Variants in SMARCA5 observed in about 807,000 individuals in gnomAD.
The protein encoded by SMARCA5 is SNF2 related chromatin remodeling ATPase 5.
SMARCA5 carries 18 observed loss-of-function variants against 140.4 expected under a neutral mutation model. The observed-to-expected ratio is 0.13, with a 90% CI of 0.09 to 0.19. The LOEUF (loss-of-function observed/expected upper bound fraction) is 0.19. Ranked by LOEUF, SMARCA5 falls within the 10% of genes least tolerant of loss-of-function variation. SMARCA5 has a pLI of 1.00. For synonymous variants in SMARCA5, 449 were observed against 419.6 expected, an observed-to-expected ratio of 1.07 and a Z score of -0.86; for missense variants, 606 against 1,276.8, an observed-to-expected ratio of 0.47 and a Z score of 8.01.
At chr4:143,534,649 T>TTTG (rs1170952332) in intron 9 of SMARCA5, among the ~76,000 whole-genome samples, 1 of 152,106 alleles carries the variant, frequency 6.6e-6, no homozygotes, top group Non-Finnish European at 1.5e-5. Context: ...ATTTGTGGAT[T>TTTG]TTGGTATTCA....
At position 143,534,842 on chromosome 4, in the gene SMARCA5, T is replaced by G; in HGVS notation, c.1159-13T>G. The G allele has an allele frequency of 6.3e-7, 1 of 1,592,824 alleles. No homozygotes were observed. Among genetic ancestry groups the G allele is most frequent in the South Asian group, 1.1e-5 (1 of 88,972 alleles). ...AATATTGGTATTACCTGTTTATTTT[T>G]GTCCTTTTTAAGGTTTTGCGTCCAT... is the stretch of plus-strand genomic sequence containing the variant. On this transcript the variant is annotated splice_polypyrimidine_tract_variant and intron_variant, in intron 9 of 23. Transcript: ENST00000283131.
chr4:143,514,643 C>G (rs1736786559), intron 1 of SMARCA5: 1 of 152,606 alleles, frequency 6.6e-6, no homozygotes, highest in South Asian at 2.0e-4. Flanking sequence ...GCTGGATGGC[C>G]GAGTGCGCAG....
chr4:143,536,483 A>G lies in SMARCA5; in HGVS notation c.1300A>G (p.Ile434Val). The change falls in exon 11 of 24, where the codon ATA becomes GTA. Residue 434 changes from isoleucine (I) to valine (V), a missense_variant. Ile to Val is a conservative substitution (Grantham distance 29, BLOSUM62 3). Around this residue, in one of 10 missense-constraint regions of SMARCA5, gnomAD observed 25 missense variants for 108.7 expected, o/e 0.23. Transcript: ENST00000283131. Reference sequence around the variant, plus strand: ...TCGGATATTAATGAAGGATATAGATATACTCAACTCAGCAGGCAAGATGGA... The same window carrying G: ...TCGGATATTAATGAAGGATATAGATGTACTCAACTCAGCAGGCAAGATGGA... ...YTRILMKDID[I>V]LNSAGKMDKM... is the part of the protein sequence containing the mutation. The G allele has an allele frequency of 6.2e-7, 1 of 1,613,386 alleles. No homozygotes were observed. Among genetic ancestry groups the G allele is most frequent in the South Asian group, 1.1e-5 (1 of 91,052 alleles).
At chr4:143,549,381 G>A (rs775239631) in intron 22 of SMARCA5, among the ~76,000 whole-genome samples, 3 of 152,066 alleles carry the variant, frequency 2.0e-5, no homozygotes, top group Non-Finnish European at 4.4e-5. Context: ...CCCAGCAGCC[G>A]TCCGTGCAGA....
intron 1 of SMARCA5, among the ~76,000 whole-genome samples, chr4:143,516,239 G>C (rs1201484556): frequency 1.5e-5 from 2 of 136,582 alleles, no homozygotes; most frequent in East Asian, 2.1e-4. Context: ...TGACAAAGCT[G>C]ATTTTCCCAG....
chr4:143,545,407 T>TA (rs1737504105), intron 17 of SMARCA5, 63 bp from the exon 18 acceptor site: 1 of 1,028,178 alleles, frequency 9.7e-7, no homozygotes, highest in South Asian at 1.3e-5. Flanking sequence ...AAGTGAGGAC[T>TA]AAGGATACAT....
At chr4:143,534,805 G>T in intron 9 of SMARCA5, 50 bp from the exon 10 acceptor site, 1 of 1,273,042 alleles carries the variant, frequency 7.9e-7, no homozygotes, top group South Asian at 1.4e-5. Flanking sequence ...GCTGAAATAT[G>T]ACCTTATGTG....
chr4:143,538,981 C>T (rs771742466), intron 13 of SMARCA5, 43 bp downstream of exon 13: 28 of 1,551,040 alleles, frequency 1.8e-5, no homozygotes, highest in South Asian at 1.0e-4. Flanking sequence ...TAGTAGATGG[C>T]GTTAGTTAGG....
intron 2 of SMARCA5, among the ~76,000 whole-genome samples, chr4:143,518,924 C>T (rs1736898326): frequency 6.6e-6 from 1 of 152,026 alleles, no homozygotes; most frequent in Admixed American, 6.6e-5. Flanking sequence ...GTTTTAGTTT[C>T]TTGATTTGTG....
At chr4:143,538,098 A>G (rs957727830) in intron 11 of SMARCA5, among the ~76,000 whole-genome samples, 1 of 152,116 alleles carries the variant, frequency 6.6e-6, no homozygotes, top group Admixed American at 6.6e-5. Flanking sequence ...AGTGGAAGGC[A>G]GTCGGATAGT....
chr4:143,515,430 CTTT>C (rs1197971612), intron 1 of SMARCA5, among the ~76,000 whole-genome samples: 1 of 152,044 alleles, frequency 6.6e-6, no homozygotes, highest in Admixed American at 6.5e-5. Context: ...TACTAGGGCT[CTTT>C]AACTTGGATT....
chr4:143,536,810 T>TC, intron 11 of SMARCA5, 132 bp downstream of exon 11: 1 of 662,788 alleles, frequency 1.5e-6, no homozygotes, highest in South Asian at 1.9e-5. Context: ...AAAAACCTGT[T>TC]CATTATCTGA....
At chr4:143,519,509 C>G (rs955085882) in intron 2 of SMARCA5, among the ~76,000 whole-genome samples, 2 of 152,020 alleles carry the variant, frequency 1.3e-5, no homozygotes, top group Admixed American at 6.6e-5. Flanking sequence ...TTCAGTGGCT[C>G]TCTACAATGC....
chr4:143,556,245 G>A lies in SMARCA5; in HGVS notation c.*3061G>A, dbSNP rs1340392382. On this transcript the variant is annotated 3_prime_UTR_variant, in exon 24 of 24. Transcript: ENST00000283131. ...GCCCTTTGAGTATTTAATATATGCC[G>A]ATTGTTTGAACTAATCTGGATTTAA... 1 of 152,084 alleles carries A rather than the reference G, an allele frequency of 6.6e-6. No individual in the cohort carries two copies. The highest frequency in any genetic ancestry group is 1.5e-5 in the Non-Finnish European group (1 of 68,022). The allele number at this position is 152,084 out of a possible 1,614,324, so 9.4% of individuals were successfully genotyped here. A position where few individuals can be genotyped will look rare whatever the true frequency, so the allele number is the denominator to read the frequency against.
chr4:143,539,326 G>A (rs1737382167), intron 13 of SMARCA5, among the ~76,000 whole-genome samples: 2 of 152,272 alleles, frequency 1.3e-5, no homozygotes, highest in South Asian at 4.1e-4. Flanking sequence ...GTAAATTATA[G>A]TATAGTTATA....
At position 143,536,515 on chromosome 4, in the gene SMARCA5, G is replaced by A; in HGVS notation, c.1332G>A (p.Met444Ile). The A allele has an allele frequency of 6.2e-7, 1 of 1,613,870 alleles. No individual in the cohort carries two copies. Among genetic ancestry groups the A allele is most frequent in the Non-Finnish European group, 8.5e-7 (1 of 1,179,820 alleles). The change falls in exon 11 of 24, where the codon ATG (methionine) becomes ATA (isoleucine). Residue 444 changes from methionine to isoleucine, a missense_variant. Physicochemically the swap from Met to Ile is conservative, Grantham distance 10. Transcript: ENST00000283131. ...ACTCAGCAGGCAAGATGGACAAAAT[G>A]AGGTTATTGAACATCCTAATGCAGT... ...ILNSAGKMDK[M>I]RLLNILMQLR...
At chr4:143,537,523 T>G (rs536433643) in intron 11 of SMARCA5, among the ~76,000 whole-genome samples, 1 of 152,300 alleles carries the variant, frequency 6.6e-6, no homozygotes, top group South Asian at 2.1e-4. Flanking sequence ...TAAAAAATGC[T>G]TTCCTTGAAA....
At chr4:143,539,537 CT>C (rs11356061) in intron 13 of SMARCA5, among the ~76,000 whole-genome samples, 121,975 of 126,574 alleles carry the variant, frequency 0.96, 58,740 homozygotes, top group East Asian at 0.99. Flanking sequence ...TAGTCACTTT[CT>C]TTTTTTTTTT....
chr4:143,521,547 G>A lies in SMARCA5; in HGVS notation c.371G>A (p.Arg124His), dbSNP rs764115299. 1 of 1,612,800 alleles carries A rather than the reference G, an allele frequency of 6.2e-7. No homozygotes were observed. The highest frequency in any genetic ancestry group is 1.7e-5 in the Admixed American group (1 of 59,908). Reference sequence around the variant, plus strand: ...TCACCTTTGAAGATGAAACCAGGGCGCCCACGAATAAAAAAAGATGAGAAG... The same window carrying A: ...TCACCTTTGAAGATGAAACCAGGGCACCCACGAATAAAAAAAGATGAGAAG... ...PTSPLKMKPG[R>H]PRIKKDEKQN... The change falls in exon 3 of 24, where the codon CGC becomes CAC. Residue 124 changes from arginine (R) to histidine (H), a missense_variant. Around this residue, in one of 10 missense-constraint regions of SMARCA5, gnomAD observed 110 missense variants for 287.7 expected, o/e 0.38. Transcript: ENST00000283131.
Sources: allele counts gnomAD v4.1 joint callset (sites outside exome capture counted in the v4.1 genomes callset), GRCh38; gene constraint gnomAD v4.1.1; regional missense constraint gnomAD v4.1.1; transcripts MANE v1.5; gene names NCBI Gene and HGNC (gene_info 2026-07-23, HGNC 2026-07-21).